SIPA1L1: variants seen among roughly 807,000 people sequenced by gnomAD.
SIPA1L1 encodes signal induced proliferation associated 1 like 1, also known as signal-induced proliferation-associated 1-like protein 1.
Under a neutral mutation model 162.7 loss-of-function variants are expected in SIPA1L1, and 26 were observed. The ratio of observed to expected loss-of-function variants is 0.16; its 90% CI spans 0.12 to 0.22. The LOEUF is 0.22. Ranked by LOEUF, SIPA1L1 falls within the 10% of genes least tolerant of loss-of-function variation. The pLI, the probability that SIPA1L1 is intolerant of heterozygous loss-of-function variation, is 1.00. For synonymous variants in SIPA1L1, 829 were observed against 837.4 expected (o/e 0.99, Z 0.17); for missense variants, 1,874 against 2,241.0 (o/e 0.84, Z 3.31).
chr14:71,676,495 C>T (rs542484570), intron 12 of SIPA1L1, among the ~76,000 whole-genome samples: 205 of 143,102 alleles, frequency 1.4e-3, no homozygotes, highest in Non-Finnish European at 2.5e-3. Context: ...AGTATATATA[C>T]TTTAAGTTCT....
intron 11 of SIPA1L1, among the ~76,000 whole-genome samples, chr14:71,672,142 G>T (rs1281802015): frequency 1.3e-5 from 2 of 152,158 alleles, no homozygotes; most frequent in African/African-American, 4.8e-5. Flanking sequence ...TAACTTCAGG[G>T]AAGCCGTTGA....
chr14:71,336,030 C>G (rs1018358813), intron 2 of SIPA1L1, among the ~76,000 whole-genome samples: 3 of 152,088 alleles, frequency 2.0e-5, no homozygotes. Context: ...ATTTTTCCCC[C>G]TAGAAGGAAC....
chr14:71,446,564 T>C (rs1212269714), intron 2 of SIPA1L1, among the ~76,000 whole-genome samples: 1 of 152,168 alleles, frequency 6.6e-6, no homozygotes, highest in Non-Finnish European at 1.5e-5. Context: ...CGAGACACTG[T>C]CTCTAAAAAT....
At chr14:71,391,097 C>A (rs1595179566) in intron 2 of SIPA1L1, among the ~76,000 whole-genome samples, 1 of 141,488 alleles carries the variant, frequency 7.1e-6, no homozygotes, top group Non-Finnish European at 1.5e-5. Context: ...TGCCTGTATT[C>A]AGTATCTTTT....
intron 2 of SIPA1L1, among the ~76,000 whole-genome samples, chr14:71,372,760 G>A (rs1566943422): frequency 1.3e-5 from 2 of 152,110 alleles, no homozygotes; most frequent in Non-Finnish European, 2.9e-5. Flanking sequence ...ATGGCCTGGG[G>A]TGTCTGTAAT....
intron 17 of SIPA1L1, among the ~76,000 whole-genome samples, chr14:71,716,061 C>A (rs764439804): frequency 6.6e-6 from 1 of 152,194 alleles, no homozygotes; most frequent in Non-Finnish European, 1.5e-5. Flanking sequence ...TGTTAAATTT[C>A]TGCCTTTTAT....
At chr14:71,701,987 T>C (rs2082128677) in intron 14 of SIPA1L1, among the ~76,000 whole-genome samples, 1 of 152,208 alleles carries the variant, frequency 6.6e-6, no homozygotes, top group Non-Finnish European at 1.5e-5. Flanking sequence ...AGTATACCAT[T>C]TGGAAGATAT....
intron 10 of SIPA1L1, among the ~76,000 whole-genome samples, chr14:71,662,680 C>T (rs1247914819): frequency 6.6e-6 from 1 of 152,172 alleles, no homozygotes; most frequent in Non-Finnish European, 1.5e-5. Context: ...TGTTCCAGAA[C>T]TTTTCAGGTG....
intron 2 of SIPA1L1, among the ~76,000 whole-genome samples, chr14:71,478,802 G>A (rs2048089422): frequency 6.6e-6 from 1 of 152,064 alleles, no homozygotes; most frequent in Non-Finnish European, 1.5e-5. Context: ...GAAAGACAGA[G>A]GAAAAAAGCA....
chr14:71,419,718 T>C (rs558155958), intron 2 of SIPA1L1, among the ~76,000 whole-genome samples: 49 of 151,958 alleles, frequency 3.2e-4, no homozygotes, highest in African/African-American at 1.2e-3. Context: ...AGGATGGTCT[T>C]GATCTCCTGA....
intron 2 of SIPA1L1, among the ~76,000 whole-genome samples, chr14:71,494,081 T>G (rs2049516362): frequency 6.6e-6 from 1 of 152,236 alleles, no homozygotes; most frequent in Non-Finnish European, 1.5e-5. Context: ...TACACCTTCT[T>G]GTCCTATTCA....
chr14:71,648,446 A>G lies in SIPA1L1; in HGVS notation c.1819-1889A>G, dbSNP rs117950300. Among the ~76,000 whole-genome samples the G allele has an allele frequency of 5.6e-4, 86 of 152,262 alleles. 1 individual carries two copies. In the East Asian group the frequency reaches 0.015, roughly 27 times the overall value. Reference sequence around the variant, plus strand: ...GTTCATTTGTTTTCTCCCCTGTGACATTTTCCGTTATCACGATTTGAACCA... The same window carrying G: ...GTTCATTTGTTTTCTCCCCTGTGACGTTTTCCGTTATCACGATTTGAACCA... On this transcript the variant is annotated intron_variant, in intron 7 of 23. Coordinates refer to ENST00000381232, the MANE Select transcript of SIPA1L1 (RefSeq NM_001386936.1).
At chr14:71,406,686 C>T (rs2042048958) in intron 2 of SIPA1L1, among the ~76,000 whole-genome samples, 1 of 151,866 alleles carries the variant, frequency 6.6e-6, no homozygotes, top group African/African-American at 2.4e-5. Context: ...CAGGATTTTC[C>T]CATTTTTGAA....
intron 5 of SIPA1L1, among the ~76,000 whole-genome samples, chr14:71,603,088 C>G (rs2036983605): frequency 6.6e-6 from 1 of 152,164 alleles, no homozygotes; most frequent in Non-Finnish European, 1.5e-5. Context: ...CTGAGTTGAT[C>G]TATCTTATAT....
At chr14:71,354,563 C>T (rs2140701850) in intron 2 of SIPA1L1, among the ~76,000 whole-genome samples, 1 of 151,380 alleles carries the variant, frequency 6.6e-6, no homozygotes, top group Admixed American at 6.6e-5. Context: ...GGGCGTGAGC[C>T]ACCGCGCCTG....
chr14:71,332,319 T>A (rs569389649), intron 2 of SIPA1L1, among the ~76,000 whole-genome samples: 1 of 152,302 alleles, frequency 6.6e-6, no homozygotes, highest in South Asian at 2.1e-4. Context: ...CTGATACTCT[T>A]CTAGTGACTT....
chr14:71,434,557 C>T (rs1215561448), intron 2 of SIPA1L1, among the ~76,000 whole-genome samples: 1 of 152,154 alleles, frequency 6.6e-6, no homozygotes, highest in East Asian at 1.9e-4. Flanking sequence ...AGAAATGCCA[C>T]ATTTCATTTA....
intron 4 of SIPA1L1, among the ~76,000 whole-genome samples, chr14:71,538,548 C>T (rs186557027): frequency 7.2e-4 from 110 of 152,300 alleles, no homozygotes; most frequent in Non-Finnish European, 9.4e-4. Context: ...ATCTCTCTGT[C>T]CTTATTGCCA....
intron 2 of SIPA1L1, among the ~76,000 whole-genome samples, chr14:71,415,442 T>TAAC (rs1566992960): frequency 6.6e-6 from 1 of 152,164 alleles, no homozygotes; most frequent in African/African-American, 2.4e-5. Context: ...ACTGAAAAAC[T>TAAC]GTCTTTGAAA....
Sources: allele counts gnomAD v4.1 joint callset (sites outside exome capture counted in the v4.1 genomes callset), GRCh38; gene constraint gnomAD v4.1.1; transcripts MANE v1.5; gene names NCBI Gene and HGNC (gene_info 2026-07-23, HGNC 2026-07-21).